RFPL1: variants seen among roughly 807,000 people sequenced by gnomAD.
RFPL1 encodes ret finger protein-like 1.
A neutral mutation model predicts 9.6 loss-of-function variants in RFPL1; 6 were observed. That is an observed-to-expected ratio of 0.62 (90% CI 0.34 to 1.23). RFPL1 has a LOEUF of 1.23. RFPL1 is among the 50% of genes most tolerant of loss of function. The pLI, the probability that RFPL1 is intolerant of heterozygous loss-of-function variation, is 0.03. For missense variants in RFPL1, 352 were observed against 398.4 expected (o/e 0.88, Z 0.99); for synonymous variants, 145 against 149.4 (o/e 0.97, Z 0.22).
At chr22:29,420,407 T>C in the RFPL1 span, among the ~76,000 whole-genome samples, 5 of 151,988 alleles carry the variant, frequency 3.3e-5, no homozygotes, top group African/African-American at 1.2e-4. Flanking sequence ...CTCAGCTCAC[T>C]GCAACTTCTG....
At chr22:29,392,379 T>TG in the RFPL1 span, among the ~76,000 whole-genome samples, 8 of 31,012 alleles carry the variant, frequency 2.6e-4, no homozygotes, top group Admixed American at 4.7e-4. Flanking sequence ...CACACCTGGC[T>TG]TTTTTTTTTT....
chr22:29,402,205 C>T, the RFPL1 span, among the ~76,000 whole-genome samples: 1 of 152,188 alleles, frequency 6.6e-6, no homozygotes, highest in South Asian at 2.1e-4. Flanking sequence ...AGCTACTTAA[C>T]TTCTCCATCT....
the RFPL1 span, among the ~76,000 whole-genome samples, chr22:29,396,765 A>C: frequency 6.7e-6 from 1 of 149,586 alleles, no homozygotes; most frequent in South Asian, 2.1e-4. Flanking sequence ...AGGCACGTGC[A>C]CCACACCTGG....
At chr22:29,433,164 T>C in the RFPL1 span, among the ~76,000 whole-genome samples, 1 of 151,724 alleles carries the variant, frequency 6.6e-6, no homozygotes, top group East Asian at 1.9e-4. Flanking sequence ...GCTGTGGCAG[T>C]GCCTGTAATC....
chr22:29,389,143 C>G, the RFPL1 span, among the ~76,000 whole-genome samples: 6 of 152,164 alleles, frequency 3.9e-5, no homozygotes, highest in African/African-American at 1.4e-4. Context: ...CCCGCCTCGG[C>G]TTCCCAAAGT....
At chr22:29,418,496 C>CTTTTTTTTTTTTTTTTTTTTTTTTT in the RFPL1 span, among the ~76,000 whole-genome samples, 1 of 124,484 alleles carries the variant, frequency 8.0e-6, no homozygotes, top group African/African-American at 3.0e-5. Context: ...TCTTCGTCTT[C>CTTTTTTTTTTTTTTTTTTTTTTTTT]TTTTTTTTTT....
chr22:29,441,468 G>C, intron 1 of RFPL1, 74 bp from the exon 2 acceptor site: 1 of 1,479,466 alleles, frequency 6.8e-7, no homozygotes, highest in Non-Finnish European at 9.1e-7. Flanking sequence ...GAGATATTTG[G>C]GCCTTTGAAG....
At chr22:29,394,565 C>T in the RFPL1 span, among the ~76,000 whole-genome samples, 1,792 of 152,318 alleles carry the variant, frequency 0.012, 28 homozygotes, top group African/African-American at 0.04. Context: ...TGGTCTCGAA[C>T]CCCTGACCTC....
At chr22:29,422,115 T>A in the RFPL1 span, among the ~76,000 whole-genome samples, 1 of 152,210 alleles carries the variant, frequency 6.6e-6, no homozygotes, top group South Asian at 2.1e-4. Flanking sequence ...TACGACAACA[T>A]CCTCCATTTC....
the RFPL1 span, among the ~76,000 whole-genome samples, chr22:29,397,652 A>G: frequency 0.12 from 18,928 of 152,178 alleles, 1,355 homozygotes; most frequent in East Asian, 0.32. Flanking sequence ...TCTGGGAACA[A>G]AAGTGGTGAT....
At chr22:29,441,858 G>A (rs61734564) in exon 2 of RFPL1, 12 of 1,588,504 alleles carry the variant, frequency 7.6e-6, no homozygotes, top group South Asian at 1.1e-5. Flanking sequence ...CTGCCAGCAC[G>A]GTGCCGCTGA....
the RFPL1 span, chr22:29,423,060 G>A: frequency 2.7e-6 from 3 of 1,100,852 alleles, no homozygotes; most frequent in South Asian, 3.9e-5. Context: ...TACCGCCATA[G>A]GAGGAAAACA....
chr22:29,429,789 T>C, the RFPL1 span, among the ~76,000 whole-genome samples: 1 of 152,176 alleles, frequency 6.6e-6, no homozygotes, highest in Non-Finnish European at 1.5e-5. Flanking sequence ...TTTTAGGATA[T>C]AAAATCAACA....
chr22:29,409,978 G>C, the RFPL1 span, among the ~76,000 whole-genome samples: 1 of 151,962 alleles, frequency 6.6e-6, no homozygotes, highest in Non-Finnish European at 1.5e-5. Flanking sequence ...GTATTTGCCA[G>C]CCAACAAAGA....
Position 29,439,556 on chromosome 22 carries a change from T to TG in RFPL1, c.373+400dup, listed in dbSNP as rs556583451. The TG allele has an allele frequency of 7.6e-3, 1,423 of 187,038 alleles. 7 individuals are homozygous for TG. The highest frequency in any genetic ancestry group is 0.028 in the Middle Eastern group (11 of 394). 11.6% of individuals were successfully genotyped at this position (187,038 alleles called of 1,614,324 possible). On this transcript the variant is annotated intron_variant, in intron 1 of 1. Coordinates refer to ENST00000354373, the Ensembl canonical transcript of RFPL1. ...TTGAGGCAGGAGAATGGCGTTAACC[T>TG]GGGGGGGGCGGAGCTTGCAGTGAGC...
At chr22:29,410,475 T>TATATATATCTATATATAG in the RFPL1 span, among the ~76,000 whole-genome samples, 1 of 67,508 alleles carries the variant, frequency 1.5e-5, no homozygotes, top group Non-Finnish European at 2.4e-5. Flanking sequence ...TATATATAGA[T>TATATATATCTATATATAG]ATATATATTG....
At chr22:29,410,189 C>T in the RFPL1 span, among the ~76,000 whole-genome samples, 6 of 142,802 alleles carry the variant, frequency 4.2e-5, no homozygotes, top group South Asian at 4.3e-4. Flanking sequence ...AAAGGAGAGA[C>T]GCGAAGATTA....
the RFPL1 span, among the ~76,000 whole-genome samples, chr22:29,390,539 TGTTGGTAAAATACC>T: frequency 6.6e-6 from 1 of 151,870 alleles, no homozygotes; most frequent in African/African-American, 2.4e-5. Flanking sequence ...AAATTGGTGG[TGTTGGTAAAATACC>T]GTTATCTAAA....
upstream of RFPL1, chr22:29,434,597 A>G (rs971638528): frequency 1.3e-5 from 2 of 153,478 alleles, no homozygotes; most frequent in Admixed American, 6.5e-5. Context: ...TCTGGACACC[A>G]TTACTGGGAG....
Sources: gnomAD v4.1 joint callset for allele counts (sites outside exome capture counted in the v4.1 genomes callset) on GRCh38, gnomAD v4.1.1 for gene constraint, MANE v1.5 for transcripts, NCBI Gene and HGNC (gene_info 2026-07-23, HGNC 2026-07-21) for gene names.